The following PGBD2 variants were observed in gnomAD, a reference collection of about 807,000 sequenced individuals.
PGBD2 encodes piggyBac transposable element-derived protein 2.
Under a neutral mutation model 8.1 loss-of-function variants are expected in PGBD2, and 6 were observed. The observed-to-expected ratio is 0.74, with a 90% CI of 0.40 to 1.46. PGBD2 has a LOEUF of 1.46. Among genes scored for constraint, PGBD2 ranks in the 40% most tolerant of loss-of-function variants. The pLI, the probability that PGBD2 is intolerant of heterozygous loss-of-function variation, is 0.02. For missense variants in PGBD2, 802 were observed against 739.0 expected (o/e 1.09, Z -0.99); for synonymous variants, 318 against 272.2 (o/e 1.17, Z -1.66).
intron 1 of PGBD2, among the ~76,000 whole-genome samples, chr1:248,913,048 C>T (rs1453936942): frequency 4.6e-5 from 7 of 151,984 alleles, no homozygotes; most frequent in African/African-American, 9.7e-5. Flanking sequence ...GTGATCTGCC[C>T]GCCTCGGCCT....
chr1:248,903,360 G>A (rs938167002), upstream of PGBD2, among the ~76,000 whole-genome samples: 4 of 150,904 alleles, frequency 2.7e-5, no homozygotes, highest in Admixed American at 6.6e-5. Flanking sequence ...CATCACACCT[G>A]GCTAACTTTA....
chr1:248,926,956 G>A, the PGBD2 span, among the ~76,000 whole-genome samples: 1 of 152,190 alleles, frequency 6.6e-6, no homozygotes, highest in Non-Finnish European at 1.5e-5. Context: ...CGAGCATACT[G>A]GACAAATGTC....
chr1:248,917,707 C>G lies in PGBD2; in HGVS notation c.1123C>G (p.Arg375Gly). Reference protein sequence around the residue: ...KKGVKATGTVREYRTERCPLK... With the variant: ...KKGVKATGTVGEYRTERCPLK... Reference sequence around the variant, plus strand: ...GGGGGTGAAAGCCACAGGAACTGTTCGTGAGTACAGGACTGAGCGATGTCC... The same window carrying G: ...GGGGGTGAAAGCCACAGGAACTGTTGGTGAGTACAGGACTGAGCGATGTCC... Residue 375 changes from arginine (R) to glycine (G), a missense_variant, in exon 3 of 3, where the codon CGT (arginine) becomes GGT (glycine). Coordinates refer to ENST00000329291, the MANE Select transcript of PGBD2 (RefSeq NM_170725.3). 2 of 1,614,048 alleles carry G rather than the reference C, an allele frequency of 1.2e-6. No individual in the cohort carries two copies. The highest frequency in any genetic ancestry group is 2.2e-5 in the East Asian group (1 of 44,882).
At chr1:248,925,870 C>G in the PGBD2 span, among the ~76,000 whole-genome samples, 1 of 152,084 alleles carries the variant, frequency 6.6e-6, no homozygotes, top group Admixed American at 6.6e-5. Context: ...TTTGGTGACT[C>G]CTGTACAGAT....
At chr1:248,925,608 G>C in the PGBD2 span, among the ~76,000 whole-genome samples, 2 of 119,536 alleles carry the variant, frequency 1.7e-5, no homozygotes, top group African/African-American at 6.5e-5. Flanking sequence ...GTGAATTATT[G>C]TAAATAAGTT....
At chr1:248,924,615 A>G (rs547056296), downstream of PGBD2, among the ~76,000 whole-genome samples, 4 of 152,372 alleles carry the variant, frequency 2.6e-5, no homozygotes, top group South Asian at 2.1e-4. Flanking sequence ...TTTCCCATGC[A>G]TGTGTCCAGA....
chr1:248,909,080 A>C (rs1361495752), intron 1 of PGBD2, among the ~76,000 whole-genome samples: 1 of 152,228 alleles, frequency 6.6e-6, no homozygotes, highest in Non-Finnish European at 1.5e-5. Flanking sequence ...AAAAAGTGAT[A>C]GTGTGGCTGC....
the PGBD2 span, among the ~76,000 whole-genome samples, chr1:248,926,182 C>T: frequency 6.6e-6 from 1 of 152,118 alleles, no homozygotes; most frequent in African/African-American, 2.4e-5. Context: ...ACGTGTTGTT[C>T]TACCCCAGGT....
the PGBD2 span, among the ~76,000 whole-genome samples, chr1:248,874,920 A>AGATG: frequency 4.1e-4 from 60 of 147,958 alleles, no homozygotes; most frequent in African/African-American, 1.5e-3. Context: ...ATAGATAGAT[A>AGATG]GATAGATAGA....
chr1:248,875,162 G>A, the PGBD2 span, among the ~76,000 whole-genome samples: 1 of 152,006 alleles, frequency 6.6e-6, no homozygotes, highest in African/African-American at 2.4e-5. Flanking sequence ...TGAGCGTGGT[G>A]GCAGGTGCCT....
the PGBD2 span, among the ~76,000 whole-genome samples, chr1:248,878,182 C>CTT: frequency 1.4e-5 from 2 of 141,524 alleles, no homozygotes; most frequent in Admixed American, 7.0e-5. Context: ...TTTTCCATAT[C>CTT]TTTTTTTTTT....
the PGBD2 span, among the ~76,000 whole-genome samples, chr1:248,900,416 C>G: frequency 6.6e-6 from 1 of 152,158 alleles, no homozygotes; most frequent in Non-Finnish European, 1.5e-5. Flanking sequence ...GTCTTCATCC[C>G]CAGGATGCAA....
At chr1:248,928,396 A>G in the PGBD2 span, among the ~76,000 whole-genome samples, 1 of 152,150 alleles carries the variant, frequency 6.6e-6, no homozygotes, top group Non-Finnish European at 1.5e-5. Context: ...CATGCTGTGA[A>G]TGATTGTATT....
chr1:248,874,961 A>C, the PGBD2 span, among the ~76,000 whole-genome samples: 1 of 143,132 alleles, frequency 7.0e-6, no homozygotes, highest in East Asian at 2.0e-4. Flanking sequence ...TAGATAGACA[A>C]ATAGATAGAG....
chr1:248,918,103 C>G lies in PGBD2; in HGVS notation c.1519C>G (p.Gln507Glu), dbSNP rs751797633. Residue 507 changes from glutamine to glutamate, a missense_variant, in exon 3 of 3, where the codon CAA becomes GAA. By Grantham distance (29) the Gln-to-Glu change is conservative. Coordinates refer to ENST00000329291, the MANE Select transcript of PGBD2 (RefSeq NM_170725.3). ...NAWQLHRICC[Q>E]DAQVDLLAFR... ...ATGGCAGCTGCATAGAATCTGCTGCCAAGATGCCCAGGTGGACCTCCTTGC... is the reference window on the plus strand; with the variant it reads ...ATGGCAGCTGCATAGAATCTGCTGCGAAGATGCCCAGGTGGACCTCCTTGC... 1.1e-5 allele frequency: 17 copies of G among 1,614,100 alleles called. No homozygotes were observed. The highest frequency in any genetic ancestry group is 1.4e-5 in the Non-Finnish European group (16 of 1,180,054).
the PGBD2 span, among the ~76,000 whole-genome samples, chr1:248,887,697 CA>C: frequency 2.6e-5 from 4 of 152,074 alleles, no homozygotes; most frequent in African/African-American, 4.8e-5. Flanking sequence ...ATTTTAGATT[CA>C]GGGGGTACTT....
At chr1:248,890,328 A>G in the PGBD2 span, among the ~76,000 whole-genome samples, 1 of 152,100 alleles carries the variant, frequency 6.6e-6, no homozygotes, top group Non-Finnish European at 1.5e-5. Flanking sequence ...TCTTCTGTCG[A>G]GCCACCCTTC....
the PGBD2 span, among the ~76,000 whole-genome samples, chr1:248,890,035 C>T: frequency 1.3e-5 from 2 of 150,434 alleles, no homozygotes; most frequent in Non-Finnish European, 2.9e-5. Flanking sequence ...TCAAGTGATT[C>T]TCCTGCCTCA....
the PGBD2 span, among the ~76,000 whole-genome samples, chr1:248,925,637 C>T: frequency 6.2e-4 from 93 of 149,722 alleles, no homozygotes; most frequent in African/African-American, 2.1e-3. Context: ...CCAAAGTGCT[C>T]CCCTGAAGTC....
Sources: gnomAD v4.1 joint callset for allele counts (sites outside exome capture counted in the v4.1 genomes callset) on GRCh38, gnomAD v4.1.1 for gene constraint, MANE v1.5 for transcripts, NCBI Gene and HGNC (gene_info 2026-07-23, HGNC 2026-07-21) for gene names.